The following NBEA variants were observed in gnomAD, a reference collection of about 807,000 sequenced individuals.
The protein encoded by NBEA is neurobeachin, also known as lysosomal-trafficking regulator 2.
Under a neutral mutation model 343.4 loss-of-function variants are expected in NBEA, and 44 were observed. The observed-to-expected ratio is 0.13, with a 90% CI of 0.10 to 0.16. The LOEUF (loss-of-function observed/expected upper bound fraction) is 0.16. Among genes scored for constraint, NBEA ranks in the 10% least tolerant of loss-of-function variants. The pLI is 1.00. For synonymous variants in NBEA, 1,175 were observed against 1,238.7 expected, an observed-to-expected ratio of 0.95 and a Z score of 1.08; for missense variants, 2,555 against 3,631.3, an observed-to-expected ratio of 0.70 and a Z score of 7.62.
At chr13:35,153,408 ATAAT>A (rs2068931778) in intron 18 of NBEA, among the ~76,000 whole-genome samples, 1 of 152,166 alleles carries the variant, frequency 6.6e-6, no homozygotes. Flanking sequence ...CTCCAGAACA[ATAAT>A]TAAATAAATT....
At chr13:35,188,822 G>C (rs1433413003) in intron 30 of NBEA, among the ~76,000 whole-genome samples, 2 of 151,302 alleles carry the variant, frequency 1.3e-5, no homozygotes, top group East Asian at 1.9e-4. Context: ...TTCCATAATA[G>C]CTGTCCTAAT....
chr13:35,515,626 T>A (rs1027760639), intron 41 of NBEA, among the ~76,000 whole-genome samples: 2 of 152,248 alleles, frequency 1.3e-5, no homozygotes, highest in African/African-American at 4.8e-5. Context: ...GATGAAACAT[T>A]TCAAAATCCA....
At chr13:35,205,047 C>T (rs1593738268) in intron 31 of NBEA, among the ~76,000 whole-genome samples, 2 of 152,230 alleles carry the variant, frequency 1.3e-5, no homozygotes, top group East Asian at 3.9e-4. Flanking sequence ...GTTATCAACA[C>T]ATACTGGTTA....
intron 33 of NBEA, among the ~76,000 whole-genome samples, chr13:35,221,274 G>T (rs1049795721): frequency 1.3e-4 from 20 of 151,578 alleles, no homozygotes; most frequent in Non-Finnish European, 2.5e-4. Context: ...AACCCAGGAG[G>T]CCAAGGTTGC....
intron 1 of NBEA, among the ~76,000 whole-genome samples, chr13:34,971,291 T>G (rs2059990106): frequency 6.6e-6 from 1 of 152,172 alleles, no homozygotes; most frequent in Admixed American, 6.6e-5. Context: ...ATGATGGGGT[T>G]TTCTAGATAC....
At chr13:35,332,816 G>GT (rs1430078566) in intron 36 of NBEA, among the ~76,000 whole-genome samples, 3 of 152,054 alleles carry the variant, frequency 2.0e-5, no homozygotes, top group African/African-American at 7.2e-5. Flanking sequence ...ACAAACCTTG[G>GT]TGGTTCAGAA....
At chr13:35,550,105 T>C (rs1227536345) in intron 41 of NBEA, among the ~76,000 whole-genome samples, 2 of 152,108 alleles carry the variant, frequency 1.3e-5, no homozygotes, top group Non-Finnish European at 2.9e-5. Context: ...ATGGACACTT[T>C]GGGGGTAGCT....
At chr13:34,963,838 A>G (rs1182595939) in intron 1 of NBEA, among the ~76,000 whole-genome samples, 1 of 151,976 alleles carries the variant, frequency 6.6e-6, no homozygotes, top group Non-Finnish European at 1.5e-5. Flanking sequence ...CCTTTAAAAA[A>G]TATATGCTGC....
At chr13:35,123,435 T>G in intron 16 of NBEA, 47 bp from the exon 17 acceptor site, 1 of 1,130,458 alleles carries the variant, frequency 8.8e-7, no homozygotes, top group Non-Finnish European at 1.2e-6. Context: ...TGTGTTTTTG[T>G]TTTTAATATT....
intron 31 of NBEA, among the ~76,000 whole-genome samples, chr13:35,202,149 CT>C (rs1006918903): frequency 1.3e-5 from 2 of 152,076 alleles, no homozygotes; most frequent in African/African-American, 4.8e-5. Flanking sequence ...TTTGTATGCA[CT>C]TTTCCCTACT....
chr13:34,982,720 A>G (rs1429467813), intron 1 of NBEA, among the ~76,000 whole-genome samples: 3 of 152,200 alleles, frequency 2.0e-5, no homozygotes, highest in Non-Finnish European at 4.4e-5. Flanking sequence ...TGAAAACACC[A>G]TGAACACTTG....
intron 38 of NBEA, among the ~76,000 whole-genome samples, chr13:35,375,417 T>A (rs1438204499): frequency 6.6e-6 from 1 of 152,114 alleles, no homozygotes; most frequent in Non-Finnish European, 1.5e-5. Flanking sequence ...GGTAACAATG[T>A]TTTTCTGATT....
intron 55 of NBEA, among the ~76,000 whole-genome samples, chr13:35,661,330 C>G (rs1168041113): frequency 6.6e-6 from 1 of 152,094 alleles, no homozygotes; most frequent in African/African-American, 2.4e-5. Context: ...CTCAGGACTT[C>G]AAGAGAAGAG....
intron 10 of NBEA, among the ~76,000 whole-genome samples, chr13:35,090,814 C>G (rs956636764): frequency 7.2e-5 from 11 of 151,890 alleles, no homozygotes; most frequent in Admixed American, 3.3e-4. Flanking sequence ...CCTACATGGA[C>G]AGAATTCACA....
intron 38 of NBEA, among the ~76,000 whole-genome samples, chr13:35,417,907 AC>A (rs1393975612): frequency 6.6e-6 from 1 of 152,068 alleles, no homozygotes; most frequent in Non-Finnish European, 1.5e-5. Context: ...TGCTTTATGA[AC>A]CTGGGTGCTC....
intron 34 of NBEA, among the ~76,000 whole-genome samples, chr13:35,287,223 G>A (rs2152815788): frequency 6.6e-6 from 1 of 152,042 alleles, no homozygotes; most frequent in East Asian, 1.9e-4. Context: ...TTATTCCAGT[G>A]AACATATATA....
chr13:35,642,340 A>G (rs577495250), intron 49 of NBEA, among the ~76,000 whole-genome samples: 1 of 152,304 alleles, frequency 6.6e-6, no homozygotes, highest in Non-Finnish European at 1.5e-5. Flanking sequence ...TTTACTTATT[A>G]ATAGTATATA....
intron 1 of NBEA, among the ~76,000 whole-genome samples, chr13:35,004,189 T>C (rs1304499105): frequency 6.6e-6 from 1 of 152,158 alleles, no homozygotes; most frequent in Non-Finnish European, 1.5e-5. Context: ...TTGATGGGCA[T>C]TTGGGTTGAT....
intron 38 of NBEA, among the ~76,000 whole-genome samples, chr13:35,383,719 A>G (rs534134235): frequency 6.6e-6 from 1 of 152,094 alleles, no homozygotes; most frequent in Non-Finnish European, 1.5e-5. Flanking sequence ...GGAAGGATAT[A>G]GTATATAATA....
Sources: allele counts gnomAD v4.1 joint callset (sites outside exome capture counted in the v4.1 genomes callset), GRCh38; gene constraint gnomAD v4.1.1; transcripts MANE v1.5; gene names NCBI Gene and HGNC (gene_info 2026-07-23, HGNC 2026-07-21).